Variants in NUDT5 observed in about 807,000 individuals in gnomAD.
NUDT5 encodes nudix hydrolase 5, also known as ADP-sugar pyrophosphatase.
Under a neutral mutation model 34.1 loss-of-function variants are expected in NUDT5, and 21 were observed. The ratio of observed to expected loss-of-function variants is 0.62; its 90% confidence interval spans 0.44 to 0.89. The LOEUF (loss-of-function observed/expected upper bound fraction) is 0.89. Ranked by LOEUF, NUDT5 falls within the 40% of genes least tolerant of loss-of-function variation. The pLI is 0.00. For synonymous variants in NUDT5, 85 were observed against 97.6 expected, an observed-to-expected ratio of 0.87 and a Z score of 0.76; for missense variants, 249 against 274.8, an observed-to-expected ratio of 0.91 and a Z score of 0.66.
At position 12,173,868 on chromosome 10, in the gene NUDT5, C is replaced by CT; in HGVS notation, c.290-56dup. 4 of 1,250,274 alleles carry CT rather than the reference C, an allele frequency of 3.2e-6. No homozygotes were observed. The highest frequency in any genetic ancestry group is 4.4e-6 in the Non-Finnish European group (4 of 913,382). The allele number at this position is 1,250,274 out of a possible 1,614,324, so 77.4% of individuals were successfully genotyped here. On this transcript the variant is annotated intron_variant, in intron 5 of 9. Coordinates refer to ENST00000491614, the MANE Select transcript of NUDT5 (RefSeq NM_014142.4). The surrounding 1 kb of genome is among the most constrained non-coding windows in gnomAD (Gnocchi z 4.7). ...AGCGGGAAATCCGGTTCTTTAAACC[C>CT]TCCTTTTTTTTTTTTTGAGATGGAG... is the stretch of plus-strand genomic sequence containing the variant.
chr10:12,170,283 G>A lies in NUDT5; in HGVS notation c.550+434C>T. 1 of 1,267,992 alleles carries A rather than the reference G, an allele frequency of 7.9e-7. No individual in the cohort carries two copies. The highest frequency in any genetic ancestry group is 1.1e-6 in the Non-Finnish European group (1 of 878,790). 78.5% of individuals were successfully genotyped at this position (1,267,992 alleles called of 1,614,324 possible). A position where few individuals can be genotyped will look rare whatever the true frequency, so the allele number is the denominator to read the frequency against. On this transcript the variant is annotated intron_variant, in intron 9 of 9. Coordinates refer to ENST00000491614, the MANE Select transcript of NUDT5 (RefSeq NM_014142.4). This position sits in a 1 kb window ranked among gnomAD's most constrained non-coding sequence, Gnocchi z 4.9. ...ACGGAGTATACAGGAAATACCTCAA[G>A]TATTTGTTGAAGGAGCATCATCAAT...
Position 12,175,156 on chromosome 10 carries a change from C to A in NUDT5, c.290-1343G>T, listed in dbSNP as rs923477921. 2.0e-5 allele frequency among the ~76,000 whole-genome samples: 3 copies of A among 151,942 alleles called. No homozygotes were observed. Among genetic ancestry groups the A allele is most frequent in the Non-Finnish European group, 4.4e-5 (3 of 67,972 alleles). On this transcript the variant is annotated intron_variant, in intron 5 of 9. Coordinates refer to ENST00000491614, the MANE Select transcript of NUDT5 (RefSeq NM_014142.4). This position sits in a 1 kb window ranked among gnomAD's most constrained non-coding sequence, Gnocchi z 4.8. ...CCAACATGGTGAAACCCTGTCTCCA[C>A]TAAAAATACAAAAAATTAGCCAGGT...
Position 12,182,054 on chromosome 10 carries a change from G to A in NUDT5, c.131+2835C>T, listed in dbSNP as rs1340570163. Among the ~76,000 whole-genome samples the A allele has an allele frequency of 1.3e-5, 2 of 151,784 alleles. No homozygotes were observed. The highest frequency in any genetic ancestry group is 2.9e-5 in the Non-Finnish European group (2 of 67,970). ...GGCTGAGATAGAATTGCTAGAACCA[G>A]GGAGGTAGAGGTTGCAGTGAGCTGA... On this transcript the variant is annotated intron_variant, in intron 3 of 9. Transcript: ENST00000491614. The surrounding 1 kb of genome is among the most constrained non-coding windows in gnomAD (Gnocchi z 4.3).
At chr10:12,188,686 G>A (rs957826814) in intron 1 of NUDT5, among the ~76,000 whole-genome samples, 5 of 143,140 alleles carry the variant, frequency 3.5e-5, no homozygotes, top group East Asian at 2.1e-4. Flanking sequence ...AGCTGAGATC[G>A]TGCCACTGCA....
chr10:12,192,838 G>A (rs1053953395), intron 1 of NUDT5, among the ~76,000 whole-genome samples: 1 of 151,922 alleles, frequency 6.6e-6, no homozygotes, highest in Non-Finnish European at 1.5e-5. Context: ...GCGACAGAGC[G>A]AGACTCTGTC....
intron 4 of NUDT5, among the ~76,000 whole-genome samples, chr10:12,178,651 ATGGAATAGGCTTT>A (rs1323716429): frequency 6.6e-6 from 1 of 152,192 alleles, no homozygotes; most frequent in African/African-American, 2.4e-5. Flanking sequence ...GGGAGGGTGA[ATGGAATAGGCTTT>A]GCCCAATTAA....
At position 12,171,735 on chromosome 10, in the gene NUDT5, ATTTT is replaced by A. The variant is rs869148476; in HGVS notation, c.488-831_488-828del. Among the ~76,000 whole-genome samples, 19 of 118,834 alleles carry A rather than the reference ATTTT, an allele frequency of 1.6e-4. No homozygotes were observed. Among genetic ancestry groups the A allele is most frequent in the South Asian group, 4.9e-4 (2 of 4,072 alleles). 78.0% of individuals were successfully genotyped at this position (118,834 alleles called of 152,430 possible). On this transcript the variant is annotated intron_variant, in intron 7 of 9. Transcript: ENST00000491614. The surrounding 1 kb of genome is among the most constrained non-coding windows in gnomAD (Gnocchi z 4.2). The stretch of plus-strand genomic sequence containing the variant: ...TATTTATTTATTTATTTATTTATTT[ATTTT>A]TTGGAGACAGGGTCTCAGTCTGTTG...
At position 12,166,656 on chromosome 10, in the gene NUDT5, A is replaced by G. The variant is rs975503877; in HGVS notation, c.*1046T>C. 4 of 473,970 alleles carry G rather than the reference A, an allele frequency of 8.4e-6. No individual in the cohort carries two copies. The highest frequency in any genetic ancestry group is 8.0e-5 in the African/African-American group (4 of 49,862). 29.4% of individuals were successfully genotyped at this position (473,970 alleles called of 1,614,324 possible). On this transcript the variant is annotated 3_prime_UTR_variant, in exon 10 of 10. Transcript: ENST00000491614. ...TACCCGCTGGAGCCAGGCTAGAAACATGACTTAGGGCTGGATGAGAATCAT... is the reference window on the plus strand; with the variant it reads ...TACCCGCTGGAGCCAGGCTAGAAACGTGACTTAGGGCTGGATGAGAATCAT...
intron 1 of NUDT5, 88 bp downstream of exon 1, chr10:12,195,682 C>A (rs988406460): frequency 6.5e-6 from 1 of 153,058 alleles, no homozygotes; most frequent in Admixed American, 6.5e-5. Flanking sequence ...CGCGGCTGCA[C>A]GCACCATGCA....
Position 12,171,387 on chromosome 10 carries a change from C to T in NUDT5, c.488-479G>A, listed in dbSNP as rs986568165. The stretch of plus-strand genomic sequence containing the variant: ...TTTGTCTATTCTGGGCACCCAGATA[C>T]GTAGAATCAGAGTATTTGCCCATCA... On this transcript the variant is annotated intron_variant, in intron 7 of 9. Coordinates refer to ENST00000491614, the MANE Select transcript of NUDT5 (RefSeq NM_014142.4). This position sits in a 1 kb window ranked among gnomAD's most constrained non-coding sequence, Gnocchi z 4.2. Among the ~76,000 whole-genome samples, 1 of 152,172 alleles carries T rather than the reference C, an allele frequency of 6.6e-6. No homozygotes were observed. Among genetic ancestry groups the T allele is most frequent in the South Asian group, 2.1e-4 (1 of 4,826 alleles).
chr10:12,191,266 C>T (rs1835224438), intron 1 of NUDT5, among the ~76,000 whole-genome samples: 2 of 151,944 alleles, frequency 1.3e-5, no homozygotes, highest in African/African-American at 2.4e-5. Flanking sequence ...CGCTGTAGTC[C>T]GGGCTACTCA....
chr10:12,188,727 C>T (rs11257585), intron 1 of NUDT5, among the ~76,000 whole-genome samples: 13 of 20,492 alleles, frequency 6.3e-4, no homozygotes, highest in Admixed American at 1.9e-3. Context: ...AAGACTCCAT[C>T]TAAAAAAAAA....
Position 12,169,605 on chromosome 10 carries a change from G to A in NUDT5, c.550+1112C>T. The A allele has an allele frequency of 3.4e-6, 1 of 294,240 alleles. No homozygotes were observed. Among genetic ancestry groups the A allele is most frequent in the Non-Finnish European group, 6.2e-6 (1 of 160,392 alleles). The allele number at this position is 294,240 out of a possible 1,614,324, so 18.2% of individuals were successfully genotyped here. A position where few individuals can be genotyped will look rare whatever the true frequency, so the allele number is the denominator to read the frequency against. ...ATTCAGTATGATTGTTCTAACTCTGGCTTTGAGCTGTCGAGGTGGCTTCTA... is the reference window on the plus strand; with the variant it reads ...ATTCAGTATGATTGTTCTAACTCTGACTTTGAGCTGTCGAGGTGGCTTCTA... On this transcript the variant is annotated intron_variant, in intron 9 of 9. Coordinates refer to ENST00000491614, the MANE Select transcript of NUDT5 (RefSeq NM_014142.4). The surrounding 1 kb of genome is among the most constrained non-coding windows in gnomAD (Gnocchi z 4.8).
At position 12,182,926 on chromosome 10, in the gene NUDT5, G is replaced by T. The variant is rs533048100; in HGVS notation, c.131+1963C>A. ...TAATTTTTGTATTTTTAGTAGAGAC[G>T]GGGTTTCACAATGTTGGCCAGGCTG... On this transcript the variant is annotated intron_variant, in intron 3 of 9. Transcript: ENST00000491614. The surrounding 1 kb of genome is among the most constrained non-coding windows in gnomAD (Gnocchi z 4.3). Among the ~76,000 whole-genome samples, 10 of 151,994 alleles carry T rather than the reference G, an allele frequency of 6.6e-5. No individual in the cohort carries two copies. Among genetic ancestry groups the T allele is most frequent in the African/African-American group, 2.2e-4 (9 of 41,392 alleles).
intron 5 of NUDT5, among the ~76,000 whole-genome samples, chr10:12,177,413 G>A (rs1475189063): frequency 1.3e-5 from 2 of 151,816 alleles, no homozygotes; most frequent in African/African-American, 2.4e-5. Flanking sequence ...CAGCCACTCG[G>A]GAGGCTGAAG....
intron 3 of NUDT5, among the ~76,000 whole-genome samples, chr10:12,180,082 T>C (rs980761388): frequency 2.6e-5 from 4 of 152,170 alleles, no homozygotes; most frequent in African/African-American, 7.2e-5. Flanking sequence ...CTGCAAGATA[T>C]CCTCCTCGGA....
intron 9 of NUDT5, 47 bp from the exon 10 acceptor site, chr10:12,167,858 AC>A (rs1323408190): frequency 5.6e-6 from 9 of 1,608,282 alleles, no homozygotes. Context: ...TTAAGGAAGG[AC>A]AAAACATCTT....
intron 1 of NUDT5, among the ~76,000 whole-genome samples, chr10:12,190,589 G>A (rs1835206661): frequency 6.6e-6 from 1 of 150,780 alleles, no homozygotes; most frequent in African/African-American, 2.4e-5. Context: ...GGGAGGCAGT[G>A]AGGAAAATGA....
intron 2 of NUDT5, among the ~76,000 whole-genome samples, chr10:12,185,541 C>T (rs1835112604): frequency 6.6e-6 from 1 of 152,234 alleles, no homozygotes; most frequent in Non-Finnish European, 1.5e-5. Context: ...GACTAACTTA[C>T]CTACGGCACT....
Sources: gnomAD v4.1 joint callset for allele counts (sites outside exome capture counted in the v4.1 genomes callset) on GRCh38, gnomAD v4.1.1 for gene constraint, Gnocchi (gnomAD v3.1) non-coding constraint, MANE v1.5 for transcripts, NCBI Gene and HGNC (gene_info 2026-07-23, HGNC 2026-07-21) for gene names.